Variants in SAMD5 observed in about 807,000 individuals in gnomAD.
The protein encoded by SAMD5 is sterile alpha motif domain-containing protein 5.
A neutral mutation model predicts 11.3 loss-of-function variants in SAMD5; 13 were observed. That is an observed-to-expected ratio of 1.15 (90% CI 0.75 to 1.83). SAMD5 has a LOEUF of 1.83. Among genes scored for constraint, SAMD5 ranks in the 40% most tolerant of loss-of-function variants. The pLI is 0.00. For missense variants in SAMD5, 255 were observed against 239.1 expected (o/e 1.07, Z -0.44); for synonymous variants, 129 against 111.3 (o/e 1.16, Z -1.00).
chr6:147,532,749 A>G (rs1174823661), intron 1 of SAMD5, among the ~76,000 whole-genome samples: 1 of 152,138 alleles, frequency 6.6e-6, no homozygotes, highest in African/African-American at 2.4e-5. Flanking sequence ...ATTCCCACCC[A>G]CAGTATCAAA....
the SAMD5 span, among the ~76,000 whole-genome samples, chr6:147,838,756 C>A: frequency 1.3e-5 from 2 of 151,992 alleles, no homozygotes; most frequent in Non-Finnish European, 2.9e-5. Context: ...AAGAAGAAAC[C>A]TTATTAAATT....
chr6:147,798,387 A>G, the SAMD5 span, among the ~76,000 whole-genome samples: 1 of 150,014 alleles, frequency 6.7e-6, no homozygotes, highest in Non-Finnish European at 1.5e-5. Flanking sequence ...TTTGAGTGAG[A>G]TTCTTAATCC....
the SAMD5 span, among the ~76,000 whole-genome samples, chr6:147,941,277 T>A: frequency 1.3e-5 from 2 of 152,186 alleles, no homozygotes; most frequent in East Asian, 3.9e-4. Flanking sequence ...GGGCCATGTG[T>A]GTGAATAAAC....
chr6:147,758,073 C>T, the SAMD5 span, among the ~76,000 whole-genome samples: 1 of 152,146 alleles, frequency 6.6e-6, no homozygotes, highest in Non-Finnish European at 1.5e-5. Flanking sequence ...CTTTGAGAAA[C>T]CTTACTGGGT....
chr6:147,830,165 G>C, the SAMD5 span, among the ~76,000 whole-genome samples: 2 of 151,736 alleles, frequency 1.3e-5, no homozygotes, highest in Non-Finnish European at 2.9e-5. Context: ...AATAGAATTG[G>C]AGAGAAAGAA....
intron 1 of SAMD5, among the ~76,000 whole-genome samples, chr6:147,561,651 A>G (rs568987681): frequency 6.6e-6 from 1 of 152,284 alleles, no homozygotes; most frequent in Admixed American, 6.5e-5. Context: ...GTGCCTAATA[A>G]TTAAGGGGGA....
chr6:147,776,253 A>G, the SAMD5 span, among the ~76,000 whole-genome samples: 1 of 152,192 alleles, frequency 6.6e-6, no homozygotes, highest in Non-Finnish European at 1.5e-5. Context: ...GGAAGCTAGA[A>G]TTTAAGTTTT....
chr6:147,952,014 T>C, the SAMD5 span, among the ~76,000 whole-genome samples: 1 of 152,154 alleles, frequency 6.6e-6, no homozygotes, highest in Non-Finnish European at 1.5e-5. Flanking sequence ...GCTAGTGTAA[T>C]GATGAAGCTA....
chr6:147,877,887 A>AGCTAGC, the SAMD5 span, among the ~76,000 whole-genome samples: 2 of 78,358 alleles, frequency 2.6e-5, no homozygotes, highest in African/African-American at 7.9e-5. Context: ...CACACGATAG[A>AGCTAGC]TAGATAGCTA....
At chr6:147,704,348 C>T (rs1791296910) in intron 1 of SAMD5, among the ~76,000 whole-genome samples, 1 of 152,066 alleles carries the variant, frequency 6.6e-6, no homozygotes, top group Non-Finnish European at 1.5e-5. Context: ...TAATTATTGT[C>T]CAAACCCTTC....
intron 1 of SAMD5, among the ~76,000 whole-genome samples, chr6:147,658,823 G>C (rs1271930865): frequency 2.6e-5 from 4 of 152,184 alleles, no homozygotes. Context: ...GGAAGTACTA[G>C]CTAGTAGTTA....
At chr6:147,616,173 AT>A (rs369748474) in intron 1 of SAMD5, among the ~76,000 whole-genome samples, 2,859 of 101,772 alleles carry the variant, frequency 0.028, 138 homozygotes, top group African/African-American at 0.14. Context: ...TTTCATATAT[AT>A]TTATTCATAT....
At chr6:147,592,239 T>A (rs1789465662) in intron 1 of SAMD5, among the ~76,000 whole-genome samples, 1 of 152,128 alleles carries the variant, frequency 6.6e-6, no homozygotes, top group Non-Finnish European at 1.5e-5. Flanking sequence ...TCCTCCTGCC[T>A]AAACAGGTAT....
chr6:147,880,698 T>C, the SAMD5 span, among the ~76,000 whole-genome samples: 3 of 152,196 alleles, frequency 2.0e-5, no homozygotes, highest in Non-Finnish European at 4.4e-5. Context: ...TCCCAGCTTC[T>C]TGTCCAGCTG....
chr6:147,585,836 C>T (rs2128446713), intron 1 of SAMD5, among the ~76,000 whole-genome samples: 1 of 152,206 alleles, frequency 6.6e-6, no homozygotes, highest in South Asian at 2.1e-4. Flanking sequence ...AGAATATATA[C>T]ATACATTCAC....
Position 147,714,370 on chromosome 6 carries a change from C to T in SAMD5, c.163-22947C>T, listed in dbSNP as rs563418408. 2.6e-5 allele frequency among the ~76,000 whole-genome samples: 4 copies of T among 152,224 alleles called. No homozygotes were observed. In the South Asian group the frequency reaches 8.3e-4, roughly 32 times the overall value. On this transcript the variant is annotated intron_variant, in intron 1 of 1. Transcript: ENST00000566741. ...AATCATGCACTCTGTGGGAAGGCAT[C>T]CCAAAGAGAGTTCCAGAAGGGGCTG...
chr6:147,792,335 G>T, the SAMD5 span, among the ~76,000 whole-genome samples: 1 of 152,132 alleles, frequency 6.6e-6, no homozygotes, highest in Non-Finnish European at 1.5e-5. Flanking sequence ...AATAGTGAGT[G>T]GTGGAAGTCA....
chr6:147,618,261 G>T (rs1192551042), intron 1 of SAMD5, among the ~76,000 whole-genome samples: 1 of 152,206 alleles, frequency 6.6e-6, no homozygotes, highest in Non-Finnish European at 1.5e-5. Flanking sequence ...CGGCATTAAC[G>T]TGTAGGTTTG....
the SAMD5 span, among the ~76,000 whole-genome samples, chr6:147,945,702 G>A: frequency 6.6e-6 from 1 of 152,146 alleles, no homozygotes; most frequent in African/African-American, 2.4e-5. Flanking sequence ...AGTAAACAGT[G>A]GCAGGAACGT....
Sources: gnomAD v4.1 joint callset for allele counts (sites outside exome capture counted in the v4.1 genomes callset) on GRCh38, gnomAD v4.1.1 for gene constraint, MANE v1.5 for transcripts, NCBI Gene and HGNC (gene_info 2026-07-23, HGNC 2026-07-21) for gene names.